The following HORMAD2 variants were observed in gnomAD, a reference collection of about 807,000 sequenced individuals.
HORMAD2 encodes HORMA domain-containing protein 2.
A neutral mutation model predicts 38.8 loss-of-function variants in HORMAD2; 45 were observed. That is an observed-to-expected ratio of 1.16 (90% CI 0.91 to 1.49). The LOEUF (loss-of-function observed/expected upper bound fraction) is 1.49, where lower values mean the gene tolerates loss of function less well. HORMAD2 is among the 40% of genes most tolerant of loss of function. The probability of loss-of-function intolerance (pLI) is 0.00; values close to 1 mark genes in which losing one functional copy is unlikely to be tolerated. For missense variants in HORMAD2, 338 were observed against 367.0 expected (o/e 0.92, Z 0.65); for synonymous variants, 126 against 122.8 (o/e 1.03, Z -0.17).
intron 1 of HORMAD2, among the ~76,000 whole-genome samples, chr22:30,088,202 T>A (rs1332067136): frequency 6.7e-6 from 1 of 150,282 alleles, no homozygotes; most frequent in East Asian, 1.9e-4. Flanking sequence ...TATGTATACA[T>A]ATATACATAT....
At chr22:30,120,857 A>G (rs1260493597) in intron 8 of HORMAD2, among the ~76,000 whole-genome samples, 1 of 152,196 alleles carries the variant, frequency 6.6e-6, no homozygotes, top group African/African-American at 2.4e-5. Flanking sequence ...AGTACAAGCA[A>G]AGTGAACAGC....
intron 10 of HORMAD2, among the ~76,000 whole-genome samples, chr22:30,135,712 A>G (rs1923605381): frequency 6.6e-6 from 1 of 152,000 alleles, no homozygotes; most frequent in African/African-American, 2.4e-5. Context: ...TTCAATAGAG[A>G]CTCCAGAAGG....
intron 8 of HORMAD2, 145 bp from the exon 9 acceptor site, chr22:30,121,487 G>A (rs185154372): frequency 1.3e-5 from 7 of 549,024 alleles, no homozygotes; most frequent in South Asian, 5.2e-5. Context: ...AAGTACCATC[G>A]CTCCCCTAAT....
rs1393587493 is a variant in HORMAD2, at chr22:30,176,586, C to G, written c.*419C>G. ...CCTGTATACTGGAATCCCTCTCTAG[C>G]TGTATTAAAAATTCCCACAGAGTTG... On this transcript the variant is annotated 3_prime_UTR_variant, in exon 11 of 11. Coordinates refer to ENST00000336726, the MANE Select transcript of HORMAD2 (RefSeq NM_152510.4). 1 of 157,346 alleles carries G rather than the reference C, an allele frequency of 6.4e-6. No individual in the cohort carries two copies. The allele number at this position is 157,346 out of a possible 1,614,324, so 9.7% of individuals were successfully genotyped here. A position where few individuals can be genotyped will look rare whatever the true frequency, so the allele number is the denominator to read the frequency against.
intron 10 of HORMAD2, among the ~76,000 whole-genome samples, chr22:30,128,613 C>CA (rs1923043793): frequency 6.6e-6 from 1 of 152,102 alleles, no homozygotes; most frequent in Admixed American, 6.5e-5. Flanking sequence ...TACAGAGCTT[C>CA]AACATTTGTA....
At chr22:30,164,665 G>T (rs1295710215) in intron 10 of HORMAD2, among the ~76,000 whole-genome samples, 1 of 151,816 alleles carries the variant, frequency 6.6e-6, no homozygotes, top group Non-Finnish European at 1.5e-5. Flanking sequence ...TTTTTTGCTG[G>T]TTTGTATTTT....
intron 1 of HORMAD2, among the ~76,000 whole-genome samples, chr22:30,088,124 C>CACACACACAT (rs1491190235): frequency 1.0e-4 from 15 of 144,652 alleles, no homozygotes; most frequent in African/African-American, 1.7e-4. Context: ...TATACACACA[C>CACACACACAT]GTACACATGT....
chr22:30,082,027 T>C (rs533378572), intron 1 of HORMAD2, among the ~76,000 whole-genome samples: 10 of 152,340 alleles, frequency 6.6e-5, no homozygotes, highest in African/African-American at 2.2e-4. Flanking sequence ...TGTTTCAGCA[T>C]CATTTGCTGA....
intron 3 of HORMAD2, among the ~76,000 whole-genome samples, chr22:30,101,283 G>A (rs1156234865): frequency 6.6e-6 from 1 of 152,020 alleles, no homozygotes; most frequent in Non-Finnish European, 1.5e-5. Context: ...GTCCTTTGTA[G>A]GAACATGGAT....
chr22:30,166,874 A>G (rs1289403997), intron 10 of HORMAD2, among the ~76,000 whole-genome samples: 2 of 152,210 alleles, frequency 1.3e-5, no homozygotes, highest in East Asian at 1.9e-4. Context: ...GTAATGGAAG[A>G]TTTCTGTTTT....
At chr22:30,092,544 C>G (rs981001131) in intron 1 of HORMAD2, among the ~76,000 whole-genome samples, 1 of 151,890 alleles carries the variant, frequency 6.6e-6, no homozygotes, top group Non-Finnish European at 1.5e-5. Flanking sequence ...GTTTTGTTAC[C>G]TGTGCATTTG....
At position 30,080,501 on chromosome 22, in the gene HORMAD2, GT is replaced by G. The variant is rs1176166464; in HGVS notation, c.-38+12del. 4 of 152,388 alleles carry G rather than the reference GT, an allele frequency of 2.6e-5. No individual in the cohort carries two copies. Among genetic ancestry groups the G allele is most frequent in the Non-Finnish European group, 5.9e-5 (4 of 68,062 alleles). 9.4% of individuals were successfully genotyped at this position (152,388 alleles called of 1,614,324 possible). ...GCGTCGACGAGCTGAGGTGAGGGCTGTTGAGACGCGAGGTCTCGGCCCAGAG... is the reference window on the plus strand; with the variant it reads ...GCGTCGACGAGCTGAGGTGAGGGCTGTGAGACGCGAGGTCTCGGCCCAGAG... On this transcript the variant is annotated intron_variant, in intron 1 of 10. Coordinates refer to ENST00000336726, the MANE Select transcript of HORMAD2 (RefSeq NM_152510.4).
At chr22:30,128,845 A>G (rs920180674) in intron 10 of HORMAD2, among the ~76,000 whole-genome samples, 1 of 152,180 alleles carries the variant, frequency 6.6e-6, no homozygotes, top group African/African-American at 2.4e-5. Flanking sequence ...TTTAGAGGGA[A>G]GGTTGAACTA....
intron 10 of HORMAD2, among the ~76,000 whole-genome samples, chr22:30,149,074 T>C (rs1924593304): frequency 6.6e-6 from 1 of 152,222 alleles, no homozygotes; most frequent in Admixed American, 6.5e-5. Flanking sequence ...CTAACAACTT[T>C]TCCGTGTATA....
the HORMAD2 span, among the ~76,000 whole-genome samples, chr22:30,206,751 G>T: frequency 1.4e-4 from 22 of 152,154 alleles, 1 homozygote; most frequent in Admixed American, 1.4e-3. Context: ...TTACAGGCAT[G>T]AGCCACTCTG....
chr22:30,181,976 A>G (rs1376487650), downstream of HORMAD2, among the ~76,000 whole-genome samples: 1 of 152,244 alleles, frequency 6.6e-6, no homozygotes, highest in African/African-American at 2.4e-5. Context: ...TCTTCTAGCT[A>G]TAAAACTCAG....
chr22:30,144,082 C>T (rs1924260360), intron 10 of HORMAD2, among the ~76,000 whole-genome samples: 1 of 152,116 alleles, frequency 6.6e-6, no homozygotes, highest in Non-Finnish European at 1.5e-5. Context: ...TTCTTTGTAC[C>T]AACACAAGAA....
the HORMAD2 span, among the ~76,000 whole-genome samples, chr22:30,190,722 A>G: frequency 6.6e-6 from 1 of 152,356 alleles, no homozygotes; most frequent in South Asian, 2.1e-4. Flanking sequence ...AAGTGTTGAG[A>G]TTGGAAACTT....
rs1167990121 is a variant in HORMAD2, at chr22:30,125,216, C to CTTTTTTTT, written c.819+3021_819+3028dup. Among the ~76,000 whole-genome samples, 90 of 43,486 alleles carry CTTTTTTTT rather than the reference C, an allele frequency of 2.1e-3. 9 individuals are homozygous for CTTTTTTTT. The highest frequency in any genetic ancestry group is 0.033 in the Middle Eastern group (1 of 30). 28.5% of individuals were successfully genotyped at this position (43,486 alleles called of 152,430 possible). A position where few individuals can be genotyped will look rare whatever the true frequency, so the allele number is the denominator to read the frequency against. ...CATCTTTTCACTTTCTTTTTCTTTT[C>CTTTTTTTT]TTTTTTTTTTTTTTTTTTTTTTTTT... On this transcript the variant is annotated intron_variant, in intron 10 of 10. Transcript: ENST00000336726.
Sources: gnomAD v4.1 joint callset for allele counts (sites outside exome capture counted in the v4.1 genomes callset) on GRCh38, gnomAD v4.1.1 for gene constraint, MANE v1.5 for transcripts, NCBI Gene and HGNC (gene_info 2026-07-23, HGNC 2026-07-21) for gene names.